Variants in ACAN observed in about 807,000 individuals in gnomAD.
The protein encoded by ACAN is aggrecan core protein.
Under a neutral mutation model 169.1 loss-of-function variants are expected in ACAN, and 47 were observed. That is an observed-to-expected ratio of 0.28 (90% CI 0.22 to 0.35). The LOEUF (loss-of-function observed/expected upper bound fraction) is 0.35, where lower values mean the gene tolerates loss of function less well. Among genes scored for constraint, ACAN ranks in the 10% least tolerant of loss-of-function variants. The probability of loss-of-function intolerance (pLI) is 1.00; values close to 1 mark genes in which losing one functional copy is unlikely to be tolerated. For missense variants in ACAN, 2,716 were observed against 2,759.9 expected (o/e 0.98, Z 0.36); for synonymous variants, 1,115 against 1,112.2 (o/e 1.00, Z -0.05).
Position 88,849,525 on chromosome 15 carries a change from C to A in ACAN, c.1820C>A (p.Thr607Asn). Residue 607 changes from threonine (T) to asparagine (N), a missense_variant, in exon 10 of 19, where the codon ACC (threonine) becomes AAC (asparagine). By Grantham distance (65) the Thr-to-Asn change is moderately conservative. Transcript: ENST00000560601. The surrounding 1 kb of genome is among the most constrained non-coding windows in gnomAD (Gnocchi z 5.1). ...FCESHNATLATTGQLYAAWSR... is the reference protein window; with the variant it reads ...FCESHNATLANTGQLYAAWSR... ...GAATCTCACAATGCTACGCTGGCCA[C>A]CACGGGCCAGCTCTACGCCGCCTGG... 6.2e-7 allele frequency: 1 copy of A among 1,606,678 alleles called. No homozygotes were observed. The highest frequency in any genetic ancestry group is 8.5e-7 in the Non-Finnish European group (1 of 1,176,706).
chr15:88,868,055 A>G lies in ACAN; in HGVS notation c.6947-161A>G, dbSNP rs1423124927. Among the ~76,000 whole-genome samples, 7 of 152,012 alleles carry G rather than the reference A, an allele frequency of 4.6e-5. No individual in the cohort carries two copies. Among genetic ancestry groups the G allele is most frequent in the Non-Finnish European group, 1.0e-4 (7 of 67,958 alleles). On this transcript the variant is annotated intron_variant, in intron 13 of 18. Transcript: ENST00000560601. This position sits in a 1 kb window ranked among gnomAD's most constrained non-coding sequence, Gnocchi z 5.2. The stretch of plus-strand genomic sequence containing the variant: ...CTTTGCTTCAGCACTCCAAGATGGC[A>G]GCAGCAGCAGCAGCAGCAGCAACAG...
In ACAN at chr15:88,872,185, T is replaced by C. The variant is rs1897397059; in HGVS notation, c.7302+100T>C. 5 of 1,023,218 alleles carry C rather than the reference T, an allele frequency of 4.9e-6. No individual in the cohort carries two copies. The East Asian group carries it at 1.2e-4, about 25-fold the overall frequency. 63.4% of individuals were successfully genotyped at this position (1,023,218 alleles called of 1,614,324 possible). ...TTCAAACCCCATGCAGACAGCCGCT[T>C]ACCAGCTGCTGGACCGGGAACCCTT... On this transcript the variant is annotated intron_variant, in intron 16 of 18. Coordinates refer to ENST00000560601, the MANE Select transcript of ACAN (RefSeq NM_001369268.1). This position sits in a 1 kb window ranked among gnomAD's most constrained non-coding sequence, Gnocchi z 5.4.
intron 1 of ACAN, among the ~76,000 whole-genome samples, chr15:88,812,062 C>T (rs1277860480): frequency 6.6e-6 from 1 of 152,202 alleles, no homozygotes; most frequent in Non-Finnish European, 1.5e-5. Context: ...ACACCCACTC[C>T]TGAGCGGGAG....
chr15:88,815,654 AT>A (rs150567522), intron 1 of ACAN, among the ~76,000 whole-genome samples: 1,495 of 97,752 alleles, frequency 0.015, 36 homozygotes, highest in East Asian at 0.077. Context: ...TTCTGCACTG[AT>A]TAAAAAAAAA....
chr15:88,836,179 C>T (rs778533738), intron 1 of ACAN, 21 bp from the exon 2 acceptor site: 4 of 1,593,870 alleles, frequency 2.5e-6, no homozygotes, highest in Non-Finnish European at 3.4e-6. Context: ...CTAAATAACG[C>T]CTCTGCCTCC....
At chr15:88,819,279 TGTTA>T (rs1896016340) in intron 1 of ACAN, among the ~76,000 whole-genome samples, 1 of 152,158 alleles carries the variant, frequency 6.6e-6, no homozygotes, top group African/African-American at 2.4e-5. Context: ...ACAGGTAGGC[TGTTA>T]GAGGGAGGTC....
chr15:88,848,631 A>G (rs1896854336), intron 9 of ACAN, among the ~76,000 whole-genome samples: 1 of 152,186 alleles, frequency 6.6e-6, no homozygotes, highest in Non-Finnish European at 1.5e-5. Context: ...CCAATTTTTA[A>G]CCACAGACCT....
chr15:88,840,242 G>A (rs910848682), intron 4 of ACAN, 56 bp downstream of exon 4: 7 of 1,501,322 alleles, frequency 4.7e-6, no homozygotes, highest in African/African-American at 4.1e-5. Context: ...ACAGGGGAGT[G>A]GGGCGGGTGC....
Position 88,849,507 on chromosome 15 carries a change from A to T in ACAN, c.1802A>T (p.His601Leu). The T allele has an allele frequency of 6.2e-7, 1 of 1,605,852 alleles. No individual in the cohort carries two copies. Among genetic ancestry groups the T allele is most frequent in the Non-Finnish European group, 8.5e-7 (1 of 1,175,046 alleles). The change falls in exon 10 of 19, where the codon CAC (histidine) becomes CTC (leucine). Residue 601 changes from histidine (H) to leucine (L), a missense_variant. Around this residue, in one of 3 missense-constraint regions of ACAN, gnomAD observed 1,283 missense variants for 1,281.5 expected, o/e 1.00. Coordinates refer to ENST00000560601, the MANE Select transcript of ACAN (RefSeq NM_001369268.1). This position sits in a 1 kb window ranked among gnomAD's most constrained non-coding sequence, Gnocchi z 5.1. ...FQEALEFCES[H>L]NATLATTGQL... ...GAAGCACTGGAGTTCTGTGAATCTC[A>T]CAATGCTACGCTGGCCACCACGGGC...
In ACAN at chr15:88,849,304, A is replaced by T; in HGVS notation, c.1733-134A>T. On this transcript the variant is annotated intron_variant, in intron 9 of 18. Coordinates refer to ENST00000560601, the MANE Select transcript of ACAN (RefSeq NM_001369268.1). The surrounding 1 kb of genome is among the most constrained non-coding windows in gnomAD (Gnocchi z 5.1). ...CAGAAAATCTAAGGGGGAGTGGTCA[A>T]AAAAGGGGTGATGGAGCTGGGCTGG... 1.1e-6 allele frequency: 1 copy of T among 892,130 alleles called. No homozygotes were observed. The highest frequency in any genetic ancestry group is 1.6e-6 in the Non-Finnish European group (1 of 611,150). The allele number at this position is 892,130 out of a possible 1,614,324, so 55.3% of individuals were successfully genotyped here. A position where few individuals can be genotyped will look rare whatever the true frequency, so the allele number is the denominator to read the frequency against.
In ACAN at chr15:88,858,228, A is replaced by G; in HGVS notation, c.5643A>G (p.Thr1881=). The G allele has an allele frequency of 6.2e-7, 1 of 1,613,960 alleles. No homozygotes were observed. The highest frequency in any genetic ancestry group is 8.5e-7 in the Non-Finnish European group (1 of 1,179,898). ...ATGTCAGTGGACAGTTTTCTGGAACAGTCGATTCCAGTGGGTTTACATCCC... is the reference window on the plus strand; with the variant it reads ...ATGTCAGTGGACAGTTTTCTGGAACGGTCGATTCCAGTGGGTTTACATCCC... ...MVDVSGQFSG[T]VDSSGFTSQT... is the part of the protein sequence containing the mutation. Residue 1881 remains threonine (T), a synonymous_variant, in exon 12 of 19, where the codon ACA becomes ACG. Transcript: ENST00000560601. This position sits in a 1 kb window ranked among gnomAD's most constrained non-coding sequence, Gnocchi z 4.0.
intron 1 of ACAN, among the ~76,000 whole-genome samples, chr15:88,835,912 C>T (rs1462972690): frequency 6.6e-6 from 1 of 152,200 alleles, no homozygotes; most frequent in Non-Finnish European, 1.5e-5. Context: ...TTGACTCATA[C>T]AATTAACCAT....
At chr15:88,854,149 T>G (rs970055727) in intron 11 of ACAN, among the ~76,000 whole-genome samples, 1 of 152,250 alleles carries the variant, frequency 6.6e-6, no homozygotes, top group Non-Finnish European at 1.5e-5. Flanking sequence ...TTCTCAGAAC[T>G]GGAGAAAGTC....
Position 88,868,469 on chromosome 15 carries a change from A to G in ACAN, c.7060+140A>G, listed in dbSNP as rs1036901053. Reference sequence around the variant, plus strand: ...CTGGAGAGCCATTTCAGGGGCCACAACTGAAAATTCTGCCCCACTGATTCC... The same window carrying G: ...CTGGAGAGCCATTTCAGGGGCCACAGCTGAAAATTCTGCCCCACTGATTCC... On this transcript the variant is annotated intron_variant, in intron 14 of 18. Transcript: ENST00000560601. This position sits in a 1 kb window ranked among gnomAD's most constrained non-coding sequence, Gnocchi z 5.2. 23 of 587,804 alleles carry G rather than the reference A, an allele frequency of 3.9e-5. No homozygotes were observed. The highest frequency in any genetic ancestry group is 6.0e-5 in the Non-Finnish European group (20 of 330,796). The allele number at this position is 587,804 out of a possible 1,614,324, so 36.4% of individuals were successfully genotyped here. A position where few individuals can be genotyped will look rare whatever the true frequency, so the allele number is the denominator to read the frequency against.
chr15:88,872,173 C>A lies in ACAN; in HGVS notation c.7302+88C>A. 2 of 1,133,646 alleles carry A rather than the reference C, an allele frequency of 1.8e-6. No homozygotes were observed. The highest frequency in any genetic ancestry group is 1.3e-5 in the South Asian group (1 of 77,990). 70.2% of individuals were successfully genotyped at this position (1,133,646 alleles called of 1,614,324 possible). On this transcript the variant is annotated intron_variant, in intron 16 of 18. Coordinates refer to ENST00000560601, the MANE Select transcript of ACAN (RefSeq NM_001369268.1). This position sits in a 1 kb window ranked among gnomAD's most constrained non-coding sequence, Gnocchi z 5.4. ...GAGAGAGATGCATTCAAACCCCATG[C>A]AGACAGCCGCTTACCAGCTGCTGGA... is the stretch of plus-strand genomic sequence containing the variant.
At chr15:88,836,430 A>G (rs1198662826) in intron 2 of ACAN, among the ~76,000 whole-genome samples, 154 bp downstream of exon 2, 2 of 152,006 alleles carry the variant, frequency 1.3e-5, no homozygotes, top group African/African-American at 4.8e-5. Context: ...TGATGCATGC[A>G]TAACTGTGAT....
Position 88,871,457 on chromosome 15 carries a change from G to A in ACAN, c.7136G>A (p.Trp2379Ter). The change falls in exon 15 of 19, where the codon TGG becomes TAG. Residue 2379 changes from tryptophan to a stop codon, truncating the protein, a stop_gained. Coordinates refer to ENST00000560601, the MANE Select transcript of ACAN (RefSeq NM_001369268.1). LOFTEE classifies it high-confidence loss of function. The surrounding 1 kb of genome is among the most constrained non-coding windows in gnomAD (Gnocchi z 7.8). ...CYRHFPDRET[W>*]VDAERRCREQ... is the part of the protein sequence containing the mutation. The stretch of plus-strand genomic sequence containing the variant: ...CGCCACTTCCCGGACCGCGAGACCT[G>A]GGTGGATGCTGAGCGCCGGTGTCGG... 1 of 1,613,950 alleles carries A rather than the reference G, an allele frequency of 6.2e-7. No individual in the cohort carries two copies. Among genetic ancestry groups the A allele is most frequent in the East Asian group, 2.2e-5 (1 of 44,890 alleles).
At position 88,843,219 on chromosome 15, in the gene ACAN, T is replaced by G; in HGVS notation, c.758-136T>G. ...AAGCAATGAAGGGCAAGATCTGAGA[T>G]GCAGACATATGGGACCAGGACTTTG... is the stretch of plus-strand genomic sequence containing the variant. On this transcript the variant is annotated intron_variant, in intron 5 of 18. Coordinates refer to ENST00000560601, the MANE Select transcript of ACAN (RefSeq NM_001369268.1). The surrounding 1 kb of genome is among the most constrained non-coding windows in gnomAD (Gnocchi z 4.0). 1.4e-6 allele frequency: 1 copy of G among 697,944 alleles called. No individual in the cohort carries two copies. Among genetic ancestry groups the G allele is most frequent in the Non-Finnish European group, 2.2e-6 (1 of 451,486 alleles). The allele number at this position is 697,944 out of a possible 1,614,324, so 43.2% of individuals were successfully genotyped here.
intron 4 of ACAN, among the ~76,000 whole-genome samples, chr15:88,840,972 A>T (rs113694992): frequency 6.6e-6 from 1 of 151,836 alleles, no homozygotes; most frequent in African/African-American, 2.4e-5. Context: ...GTGAAACCCC[A>T]TCTCTACTAA....
Sources: gnomAD v4.1 joint callset for allele counts (sites outside exome capture counted in the v4.1 genomes callset) on GRCh38, gnomAD v4.1.1 for gene constraint, gnomAD v4.1.1 regional missense constraint, Gnocchi (gnomAD v3.1) non-coding constraint, MANE v1.5 for transcripts, NCBI Gene and HGNC (gene_info 2026-07-23, HGNC 2026-07-21) for gene names.